The following BACH2 variants were observed in gnomAD, a reference collection of about 807,000 sequenced individuals.
The protein encoded by BACH2 is transcription regulator protein BACH2.
A neutral mutation model predicts 61.8 loss-of-function variants in BACH2; 5 were observed. The ratio of observed to expected loss-of-function variants is 0.08; its 90% confidence interval spans 0.04 to 0.17. The LOEUF (loss-of-function observed/expected upper bound fraction) is 0.17, where lower values mean the gene tolerates loss of function less well. Among genes scored for constraint, BACH2 ranks in the 10% least tolerant of loss-of-function variants. BACH2 has a pLI of 1.00. For missense variants in BACH2, 824 were observed against 1,091.1 expected (o/e 0.76, Z 3.45); for synonymous variants, 446 against 440.1 (o/e 1.01, Z -0.17).
intron 5 of BACH2, among the ~76,000 whole-genome samples, chr6:90,012,151 T>C (rs1392018650): frequency 6.6e-6 from 1 of 152,112 alleles, no homozygotes; most frequent in African/African-American, 2.4e-5. Flanking sequence ...TTTTTCAAAG[T>C]TAGTTTGATC....
intron 6 of BACH2, among the ~76,000 whole-genome samples, chr6:89,990,432 C>T (rs1375405959): frequency 1.3e-5 from 2 of 152,140 alleles, no homozygotes; most frequent in African/African-American, 4.8e-5. Flanking sequence ...TGCTGGTCAC[C>T]TACTCATCTT....
intron 4 of BACH2, among the ~76,000 whole-genome samples, chr6:90,189,938 T>C (rs1237856039): frequency 6.6e-6 from 1 of 151,156 alleles, no homozygotes; most frequent in Non-Finnish European, 1.5e-5. Flanking sequence ...AATTGGTCTA[T>C]TAACTCTGAG....
At chr6:90,219,785 TACACACACACACACAC>T (rs5878121) in intron 3 of BACH2, among the ~76,000 whole-genome samples, 8 of 148,614 alleles carry the variant, frequency 5.4e-5, no homozygotes, top group African/African-American at 2.0e-4. Flanking sequence ...TTAAAACACA[TACACACACACACACAC>T]ACACACACAC....
At chr6:90,104,930 T>C (rs1437642511) in intron 4 of BACH2, among the ~76,000 whole-genome samples, 1 of 152,224 alleles carries the variant, frequency 6.6e-6, no homozygotes, top group African/African-American at 2.4e-5. Context: ...CCGATAATTC[T>C]AAATTTAAAT....
At chr6:90,200,012 TG>T (rs763019834) in intron 4 of BACH2, among the ~76,000 whole-genome samples, 2 of 152,170 alleles carry the variant, frequency 1.3e-5, no homozygotes, top group Non-Finnish European at 2.9e-5. Flanking sequence ...AAAGAGCTTT[TG>T]TTTATGTGAG....
rs1432494529 is a variant in BACH2, at chr6:89,927,305, T to C, written c.*5103A>G. 2 of 152,832 alleles carry C rather than the reference T, an allele frequency of 1.3e-5. No homozygotes were observed. Among genetic ancestry groups the C allele is most frequent in the Non-Finnish European group, 2.9e-5 (2 of 68,054 alleles). The allele number at this position is 152,832 out of a possible 1,614,324, so 9.5% of individuals were successfully genotyped here. A position where few individuals can be genotyped will look rare whatever the true frequency, so the allele number is the denominator to read the frequency against. On this transcript the variant is annotated 3_prime_UTR_variant, in exon 9 of 9. Coordinates refer to ENST00000257749, the MANE Select transcript of BACH2 (RefSeq NM_021813.4). ...CATCCCAGGATTTGCACACACAAAATACATTGTTAGGACTTAAGGGGAGGT... is the reference window on the plus strand; with the variant it reads ...CATCCCAGGATTTGCACACACAAAACACATTGTTAGGACTTAAGGGGAGGT...
chr6:90,014,468 A>ATTTTTT lies in BACH2; in HGVS notation c.-12-5618_-12-5613dup, dbSNP rs1164045089. On this transcript the variant is annotated intron_variant, in intron 5 of 8. Transcript: ENST00000257749. ...TATATATATATATATATATATATATATTTTTTTTTTTTTTTTTTTTTTTTT... is the reference window on the plus strand; with the variant it reads ...TATATATATATATATATATATATATATTTTTTTTTTTTTTTTTTTTTTTTTTTTTTT... Among the ~76,000 whole-genome samples, 30 of 32,304 alleles carry ATTTTTT rather than the reference A, an allele frequency of 9.3e-4. 5 individuals are homozygous for ATTTTTT. The highest frequency in any genetic ancestry group is 1.8e-3 in the Admixed American group (3 of 1,668). 21.2% of individuals were successfully genotyped at this position (32,304 alleles called of 152,430 possible). A position where few individuals can be genotyped will look rare whatever the true frequency, so the allele number is the denominator to read the frequency against.
At chr6:89,985,120 T>C (rs1217443021) in intron 6 of BACH2, among the ~76,000 whole-genome samples, 5 of 152,100 alleles carry the variant, frequency 3.3e-5, no homozygotes, top group African/African-American at 1.2e-4. Flanking sequence ...TACTAACAGG[T>C]AGCAAAGTGT....
intron 5 of BACH2, among the ~76,000 whole-genome samples, chr6:90,074,320 C>T (rs1450407251): frequency 6.6e-6 from 1 of 152,088 alleles, no homozygotes; most frequent in Non-Finnish European, 1.5e-5. Flanking sequence ...TTGAACATGT[C>T]TTTATAGGAT....
intron 6 of BACH2, among the ~76,000 whole-genome samples, chr6:89,998,470 A>G (rs1776969381): frequency 6.6e-6 from 1 of 152,164 alleles, no homozygotes; most frequent in Non-Finnish European, 1.5e-5. Flanking sequence ...ATGTGTACCA[A>G]ATTAATGGCA....
At chr6:90,168,310 T>C (rs1179059796) in intron 4 of BACH2, among the ~76,000 whole-genome samples, 2 of 152,170 alleles carry the variant, frequency 1.3e-5, no homozygotes, top group Non-Finnish European at 2.9e-5. Flanking sequence ...GTCATGATCA[T>C]GCCACTGTAC....
intron 5 of BACH2, among the ~76,000 whole-genome samples, chr6:90,013,625 G>C (rs796777844): frequency 6.6e-6 from 1 of 151,334 alleles, no homozygotes. Context: ...TCCTGCCTCA[G>C]CCTCCCAAGT....
chr6:90,060,685 T>C (rs891080591), intron 5 of BACH2, among the ~76,000 whole-genome samples: 1 of 152,202 alleles, frequency 6.6e-6, no homozygotes, highest in African/African-American at 2.4e-5. Flanking sequence ...CGGTGGTTTG[T>C]TTCCTTGTTT....
At chr6:90,063,909 T>C (rs1421010152) in intron 5 of BACH2, among the ~76,000 whole-genome samples, 1 of 152,250 alleles carries the variant, frequency 6.6e-6, no homozygotes, top group African/African-American at 2.4e-5. Flanking sequence ...GTTGGTGGCT[T>C]ATATTTTAAT....
chr6:90,160,175 G>A (rs1283451716), intron 4 of BACH2, among the ~76,000 whole-genome samples: 3 of 152,190 alleles, frequency 2.0e-5, no homozygotes, highest in South Asian at 2.1e-4. Flanking sequence ...AAGGGGAACC[G>A]TCATCACAGA....
chr6:89,955,417 T>G (rs1258702006), intron 6 of BACH2, among the ~76,000 whole-genome samples: 1 of 152,164 alleles, frequency 6.6e-6, no homozygotes, highest in Non-Finnish European at 1.5e-5. Context: ...CCAGACAAGT[T>G]CAGGATAGGA....
chr6:90,012,517 C>T (rs2127782074), intron 5 of BACH2, among the ~76,000 whole-genome samples: 1 of 151,364 alleles, frequency 6.6e-6, no homozygotes, highest in Admixed American at 6.6e-5. Context: ...GTAATCCCAG[C>T]TACTTGGGAG....
intron 4 of BACH2, among the ~76,000 whole-genome samples, chr6:90,204,580 G>C (rs927046425): frequency 1.3e-5 from 2 of 152,154 alleles, no homozygotes; most frequent in Non-Finnish European, 2.9e-5. Context: ...CATTTCCGAG[G>C]AGTCTGGTTC....
chr6:90,048,975 T>C lies in BACH2; in HGVS notation c.-13+39986A>G, dbSNP rs370507172. On this transcript the variant is annotated intron_variant, in intron 5 of 8. Transcript: ENST00000257749. Reference sequence around the variant, plus strand: ...CCAACTTGCAGGGTTCTAGTGAGGATTGTGTTAATGTAAGCAAAATGGGGA... The same window carrying C: ...CCAACTTGCAGGGTTCTAGTGAGGACTGTGTTAATGTAAGCAAAATGGGGA... Among the ~76,000 whole-genome samples, 3 of 152,142 alleles carry C rather than the reference T, an allele frequency of 2.0e-5. No individual in the cohort carries two copies. The South Asian group carries it at 6.2e-4, about 32-fold the overall frequency.
Sources: allele counts gnomAD v4.1 joint callset (sites outside exome capture counted in the v4.1 genomes callset), GRCh38; gene constraint gnomAD v4.1.1; transcripts MANE v1.5; gene names NCBI Gene and HGNC (gene_info 2026-07-23, HGNC 2026-07-21).